The following LARP4 variants were observed in gnomAD, a reference collection of about 807,000 sequenced individuals.
LARP4 encodes La ribonucleoprotein 4, also known as la-related protein 4.
A neutral mutation model predicts 92.9 loss-of-function variants in LARP4; 29 were observed. The ratio of observed to expected loss-of-function variants is 0.31; its 90% CI spans 0.23 to 0.43. The LOEUF (loss-of-function observed/expected upper bound fraction) is 0.43, where lower values mean the gene tolerates loss of function less well. Among genes scored for constraint, LARP4 ranks in the 20% least tolerant of loss-of-function variants. The probability of loss-of-function intolerance (pLI) is 1.00; values close to 1 mark genes in which losing one functional copy is unlikely to be tolerated. For synonymous variants in LARP4, 279 were observed against 284.1 expected (o/e 0.98, Z 0.18); for missense variants, 732 against 860.0 (o/e 0.85, Z 1.86).
chr12:50,432,949 G>A (rs1215533900), intron 4 of LARP4, among the ~76,000 whole-genome samples: 1 of 150,960 alleles, frequency 6.6e-6, no homozygotes, highest in Non-Finnish European at 1.5e-5. Flanking sequence ...ACTTAATCAC[G>A]AGACCACATA....
At chr12:50,432,364 C>T (rs1254924955) in intron 4 of LARP4, among the ~76,000 whole-genome samples, 1 of 152,130 alleles carries the variant, frequency 6.6e-6, no homozygotes, top group Non-Finnish European at 1.5e-5. Flanking sequence ...TGAGCTAGGT[C>T]AGGGCTGAGC....
At chr12:50,446,429 ATTTTT>A (rs71083573) in intron 8 of LARP4, among the ~76,000 whole-genome samples, 1 of 3,916 alleles carries the variant, frequency 2.6e-4, no homozygotes, top group African/African-American at 8.3e-4. Context: ...ATATATATAT[ATTTTT>A]TTTTTTTTTT....
intron 1 of LARP4, among the ~76,000 whole-genome samples, chr12:50,408,213 T>TTTC (rs869284339): frequency 2.7e-5 from 4 of 147,042 alleles, no homozygotes; most frequent in African/African-American, 7.6e-5. Flanking sequence ...TTTTTTTTTT[T>TTTC]CCAGCTGGAG....
In LARP4 at chr12:50,400,937, A is replaced by G; in HGVS notation, c.-74A>G. ...CAAGGCGAGTGTGTGTCCTTATCCT[A>G]GCAATTGGGGCGCGGGCCTGTGAGC... On this transcript the variant is annotated 5_prime_UTR_variant, in exon 1 of 16. Transcript: ENST00000398473. The G allele has an allele frequency of 1.9e-6, 3 of 1,602,232 alleles. No homozygotes were observed. Among genetic ancestry groups the G allele is most frequent in the Non-Finnish European group, 2.6e-6 (3 of 1,169,158 alleles).
intron 2 of LARP4, 65 bp from the exon 3 acceptor site, chr12:50,428,870 C>A: frequency 7.9e-7 from 1 of 1,261,176 alleles, no homozygotes; most frequent in Non-Finnish European, 1.1e-6. Flanking sequence ...GACATACTGC[C>A]CAGAGTTCCT....
In LARP4 at chr12:50,476,318, T is replaced by C. The variant is rs1431388855; in HGVS notation, c.*454T>C. ...TTTTTTAATCTATTTAAAGTTTGGCTTGAAGAATGCCATCTCTGACTATAT... is the reference window on the plus strand; with the variant it reads ...TTTTTTAATCTATTTAAAGTTTGGCCTGAAGAATGCCATCTCTGACTATAT... On this transcript the variant is annotated 3_prime_UTR_variant, in exon 16 of 16. Coordinates refer to ENST00000398473, the MANE Select transcript of LARP4 (RefSeq NM_052879.5). 1 of 152,918 alleles carries C rather than the reference T, an allele frequency of 6.5e-6. No individual in the cohort carries two copies. The highest frequency in any genetic ancestry group is 6.5e-5 in the Admixed American group (1 of 15,272). 9.5% of individuals were successfully genotyped at this position (152,918 alleles called of 1,614,324 possible).
chr12:50,454,276 T>G, intron 9 of LARP4, 38 bp from the exon 10 acceptor site: 1 of 1,496,078 alleles, frequency 6.7e-7, no homozygotes, highest in East Asian at 2.3e-5. Flanking sequence ...GATTTTACCT[T>G]TGCCATTAAT....
At position 50,427,885 on chromosome 12, in the gene LARP4, G is replaced by A; in HGVS notation, c.142G>A (p.Ala48Thr). 1.3e-6 allele frequency: 2 copies of A among 1,596,194 alleles called. No homozygotes were observed. Among genetic ancestry groups the A allele is most frequent in the South Asian group, 1.1e-5 (1 of 88,322 alleles). ...GTESSWHEIA[A>T]TSGAHPEGNA... ...TGAAAGCTCTTGGCATGAAATAGCA[G>A]CTACATCAGGTGCTCATCCTGAGGG... The change falls in exon 2 of 16, where the codon GCT becomes ACT. Residue 48 changes from alanine (A) to threonine (T), a missense_variant. By Grantham distance (58) the Ala-to-Thr change is moderately conservative. Around this residue, in one of 7 missense-constraint regions of LARP4, gnomAD observed 236 missense variants for 307.6 expected, o/e 0.77. Coordinates refer to ENST00000398473, the MANE Select transcript of LARP4 (RefSeq NM_052879.5).
chr12:50,441,681 T>C (rs754872157), intron 8 of LARP4, 38 bp downstream of exon 8: 4 of 1,448,998 alleles, frequency 2.8e-6, no homozygotes, highest in South Asian at 1.2e-5. Context: ...AGAACAGGTT[T>C]TGGTTCTCTG....
chr12:50,473,795 G>GT (rs1957207276), intron 14 of LARP4, among the ~76,000 whole-genome samples: 4 of 134,006 alleles, frequency 3.0e-5, no homozygotes, highest in Admixed American at 2.9e-4. Context: ...GAACCGGGGG[G>GT]TGGGGGTGGG....
In LARP4 at chr12:50,427,811, A is replaced by G; in HGVS notation, c.68A>G (p.Gln23Arg). 1 of 1,600,752 alleles carries G rather than the reference A, an allele frequency of 6.2e-7. No homozygotes were observed. Among genetic ancestry groups the G allele is most frequent in the Admixed American group, 1.7e-5 (1 of 59,898 alleles). Residue 23 changes from glutamine (Q) to arginine (R), a missense_variant, in exon 2 of 16, where the codon CAA (glutamine) becomes CGA (arginine). Physicochemically the swap from Gln to Arg is conservative, Grantham distance 43. Around this residue, in one of 7 missense-constraint regions of LARP4, gnomAD observed 236 missense variants for 307.6 expected, o/e 0.77. Transcript: ENST00000398473. ...TTAAATCCTAATGCCAAAGTATGGC[A>G]AGAAATTGCTCCTGGAAATACTGAT... ...TGLNPNAKVW[Q>R]EIAPGNTDAT...
chr12:50,453,768 T>C (rs1953698965), intron 9 of LARP4, 96 bp downstream of exon 9: 1 of 754,546 alleles, frequency 1.3e-6, no homozygotes, highest in Non-Finnish European at 2.1e-6. Flanking sequence ...TATGTTGACA[T>C]TGATGACTTT....
At chr12:50,456,654 A>G (rs1385985855) in intron 10 of LARP4, among the ~76,000 whole-genome samples, 2 of 152,072 alleles carry the variant, frequency 1.3e-5, no homozygotes, top group African/African-American at 2.4e-5. Flanking sequence ...CTTTCATACT[A>G]TCTTTCTTTC....
intron 1 of LARP4, among the ~76,000 whole-genome samples, chr12:50,418,810 C>T (rs532517302): frequency 6.6e-6 from 1 of 152,124 alleles, no homozygotes; most frequent in Non-Finnish European, 1.5e-5. Flanking sequence ...CCTCAGTCTC[C>T]CAGACTCAAG....
rs766384339 is a variant in LARP4 at position 50,454,314 on chromosome 12, G to C, written c.1018G>C (p.Ala340Pro). ...NPTPYFETPL[A>P]PFPNGSFVNG... ...TGTTTAAACATACATTTTTTTCTAG[G>C]CTCCCTTTCCCAATGGTAGTTTTGT... The change falls in exon 10 of 16, where the codon GCT becomes CCT. Residue 340 changes from alanine (A) to proline (P), a missense_variant and splice_region_variant. Physicochemically the swap from Ala to Pro is conservative, Grantham distance 27. Around this residue, in one of 7 missense-constraint regions of LARP4, gnomAD observed 264 missense variants for 269.5 expected, o/e 0.98. Transcript: ENST00000398473. 1 of 1,604,782 alleles carries C rather than the reference G, an allele frequency of 6.2e-7. No homozygotes were observed. The highest frequency in any genetic ancestry group is 1.7e-5 in the Admixed American group (1 of 58,040).
chr12:50,466,269 T>C (rs1373350714), intron 12 of LARP4, among the ~76,000 whole-genome samples: 1 of 152,082 alleles, frequency 6.6e-6, no homozygotes, highest in East Asian at 1.9e-4. Context: ...ATTTTTCATA[T>C]ATGTTATATA....
chr12:50,430,102 A>G (rs1298766570), intron 3 of LARP4, among the ~76,000 whole-genome samples: 2 of 151,950 alleles, frequency 1.3e-5, no homozygotes, highest in African/African-American at 4.8e-5. Flanking sequence ...TGGGCCAGGC[A>G]CAGTGGCTTA....
chr12:50,435,032 A>G (rs959109170), intron 4 of LARP4, among the ~76,000 whole-genome samples: 1 of 152,206 alleles, frequency 6.6e-6, no homozygotes, highest in African/African-American at 2.4e-5. Flanking sequence ...TGGGCAACAG[A>G]GCAAGACTCT....
intron 8 of LARP4, among the ~76,000 whole-genome samples, chr12:50,452,594 T>G (rs1953417752): frequency 6.6e-6 from 1 of 152,216 alleles, no homozygotes; most frequent in African/African-American, 2.4e-5. Flanking sequence ...CTCTAACACT[T>G]CCTGTTGTTT....
Sources: allele counts gnomAD v4.1 joint callset (sites outside exome capture counted in the v4.1 genomes callset), GRCh38; gene constraint gnomAD v4.1.1; regional missense constraint gnomAD v4.1.1; transcripts MANE v1.5; gene names NCBI Gene and HGNC (gene_info 2026-07-23, HGNC 2026-07-21).